FAM117B: variants seen among roughly 807,000 people sequenced by gnomAD.
FAM117B encodes protein FAM117B.
FAM117B carries 22 observed loss-of-function variants against 52.8 expected under a neutral mutation model. That is an observed-to-expected ratio of 0.42 (90% confidence interval 0.30 to 0.59). The LOEUF is 0.59. FAM117B is among the 20% of genes least tolerant of loss of function. FAM117B has a pLI of 0.22. For missense variants in FAM117B, 678 were observed against 802.6 expected (o/e 0.84, Z 1.88); for synonymous variants, 309 against 324.1 (o/e 0.95, Z 0.50).
At chr2:202,765,298 G>A in intron 7 of FAM117B, 148 bp from the exon 8 acceptor site, 2 of 743,416 alleles carry the variant, frequency 2.7e-6, no homozygotes, top group Non-Finnish European at 4.3e-6. Flanking sequence ...TTTGAAGGTG[G>A]GGGACAGAGC....
intron 1 of FAM117B, among the ~76,000 whole-genome samples, chr2:202,667,109 TC>T (rs1190502465): frequency 1.3e-5 from 2 of 151,950 alleles, no homozygotes; most frequent in Non-Finnish European, 2.9e-5. Context: ...AGTAAATTTT[TC>T]TTTTTTTTGA....
In FAM117B at chr2:202,713,173, C is replaced by T. The variant is rs80069909; in HGVS notation, c.754-11744C>T. Among the ~76,000 whole-genome samples, 753 of 152,022 alleles carry T rather than the reference C, an allele frequency of 5.0e-3. 3 individuals carry two copies. The highest frequency in any genetic ancestry group is 0.017 in the African/African-American group (701 of 41,464). On this transcript the variant is annotated intron_variant, in intron 2 of 7. Transcript: ENST00000392238. ...CATTGGGTCCTGGGATTTTCTTTGC[C>T]GGGGTGCTTTTTATTATGGTTTTGA...
At chr2:202,646,138 C>T (rs1689858852) in intron 1 of FAM117B, among the ~76,000 whole-genome samples, 1 of 151,696 alleles carries the variant, frequency 6.6e-6, no homozygotes, top group South Asian at 2.1e-4. Context: ...GCAATTCTCC[C>T]ACCTCAGCCC....
chr2:202,637,745 T>G (rs1466654460), intron 1 of FAM117B, among the ~76,000 whole-genome samples: 2 of 152,186 alleles, frequency 1.3e-5, no homozygotes, highest in Non-Finnish European at 2.9e-5. Context: ...GGTATTTATT[T>G]GAACTTTGGT....
At chr2:202,668,012 C>T (rs934076866) in intron 1 of FAM117B, among the ~76,000 whole-genome samples, 2 of 149,684 alleles carry the variant, frequency 1.3e-5, no homozygotes, top group Admixed American at 6.7e-5. Flanking sequence ...TGCTTGAGGC[C>T]AGGAGTTTGC....
intron 1 of FAM117B, among the ~76,000 whole-genome samples, chr2:202,652,027 T>C (rs1360051162): frequency 7.2e-6 from 1 of 138,750 alleles, no homozygotes; most frequent in Non-Finnish European, 1.5e-5. Context: ...CACTCCAGCC[T>C]GGGCAACAAA....
At chr2:202,722,130 C>T (rs2105786038) in intron 2 of FAM117B, among the ~76,000 whole-genome samples, 1 of 151,498 alleles carries the variant, frequency 6.6e-6, no homozygotes. Context: ...CCTGCCTCAG[C>T]CTCCCAAGCA....
intron 7 of FAM117B, among the ~76,000 whole-genome samples, chr2:202,762,339 C>T (rs1423909225): frequency 6.6e-6 from 1 of 152,168 alleles, no homozygotes; most frequent in Non-Finnish European, 1.5e-5. Context: ...AAGGACAAAA[C>T]CAGATTTTGT....
chr2:202,686,049 C>A lies in FAM117B; in HGVS notation c.602-9832C>A, dbSNP rs149630470. 1.4e-3 allele frequency among the ~76,000 whole-genome samples: 208 copies of A among 152,296 alleles called. 4 individuals are homozygous for A. In the East Asian group the frequency reaches 0.039, roughly 29 times the overall value. On this transcript the variant is annotated intron_variant, in intron 1 of 7. Transcript: ENST00000392238. Reference sequence around the variant, plus strand: ...CATATATTTGACAGAGAACTTGCATCCAGAATACATAAATCCAATTCAATA... The same window carrying A: ...CATATATTTGACAGAGAACTTGCATACAGAATACATAAATCCAATTCAATA...
chr2:202,698,488 T>C (rs1690747447), intron 2 of FAM117B, among the ~76,000 whole-genome samples: 1 of 152,154 alleles, frequency 6.6e-6, no homozygotes, highest in South Asian at 2.1e-4. Context: ...AGTGGCCTGA[T>C]CTCAGCTCAC....
intron 5 of FAM117B, among the ~76,000 whole-genome samples, chr2:202,755,970 A>G (rs1418127099): frequency 6.6e-6 from 1 of 152,240 alleles, no homozygotes; most frequent in Non-Finnish European, 1.5e-5. Flanking sequence ...CTGTAACTCC[A>G]GTTAACAAAA....
chr2:202,765,272 A>G (rs1436061300), intron 7 of FAM117B, among the ~76,000 whole-genome samples, 174 bp from the exon 8 acceptor site: 1 of 151,760 alleles, frequency 6.6e-6, no homozygotes, highest in Non-Finnish European at 1.5e-5. Flanking sequence ...GTCAGATAGC[A>G]CTTTGGTCCT....
intron 1 of FAM117B, among the ~76,000 whole-genome samples, chr2:202,673,190 T>A (rs1690323593): frequency 6.6e-6 from 1 of 152,128 alleles, no homozygotes; most frequent in South Asian, 2.1e-4. Context: ...CTGTTGCAGT[T>A]TTGTTTTTTA....
intron 2 of FAM117B, among the ~76,000 whole-genome samples, chr2:202,717,596 CAGA>C (rs1691079341): frequency 6.6e-6 from 1 of 152,146 alleles, no homozygotes; most frequent in Non-Finnish European, 1.5e-5. Flanking sequence ...GATGAAGATC[CAGA>C]AGAATTATCT....
At chr2:202,704,801 A>G (rs1006078108) in intron 2 of FAM117B, among the ~76,000 whole-genome samples, 15 of 151,814 alleles carry the variant, frequency 9.9e-5, no homozygotes, top group Admixed American at 8.5e-4. Flanking sequence ...AGGCTTCACC[A>G]TATTGGCCAG....
rs367574500 is a variant in FAM117B, at chr2:202,728,134, C to T, written c.960+1771C>T. Among the ~76,000 whole-genome samples the T allele has an allele frequency of 7.9e-5, 12 of 152,210 alleles. No individual in the cohort carries two copies. In the South Asian group the frequency reaches 2.1e-3, roughly 26 times the overall value. On this transcript the variant is annotated intron_variant, in intron 4 of 7. Coordinates refer to ENST00000392238, the MANE Select transcript of FAM117B (RefSeq NM_173511.4). ...AGATGAGACTACATATGTGCACCAC[C>T]ATGCCTGGCTAATATTTTTTATTTT...
Position 202,766,106 on chromosome 2 carries a change from ACC to A in FAM117B, c.*345_*346del, listed in dbSNP as rs57350676. On this transcript the variant is annotated 3_prime_UTR_variant, in exon 8 of 8. Transcript: ENST00000392238. ...CACACACACACACACACACACACAC[ACC>A]CCTGATCCTTGCCAACATGATTCCT... is the stretch of plus-strand genomic sequence containing the variant. The A allele has an allele frequency of 6.0e-6, 1 of 167,632 alleles. No homozygotes were observed. Among genetic ancestry groups the A allele is most frequent in the Non-Finnish European group, 1.2e-5 (1 of 83,508 alleles). 10.4% of individuals were successfully genotyped at this position (167,632 alleles called of 1,614,324 possible). A position where few individuals can be genotyped will look rare whatever the true frequency, so the allele number is the denominator to read the frequency against.
intron 1 of FAM117B, among the ~76,000 whole-genome samples, chr2:202,657,849 T>G (rs1307364126): frequency 6.6e-6 from 1 of 152,236 alleles, no homozygotes; most frequent in Non-Finnish European, 1.5e-5. Context: ...GTTGTCTTAG[T>G]AATTCATTTA....
intron 1 of FAM117B, among the ~76,000 whole-genome samples, chr2:202,648,711 T>C (rs1454653299): frequency 6.6e-6 from 1 of 152,054 alleles, no homozygotes; most frequent in African/African-American, 2.4e-5. Context: ...TATATACTTC[T>C]TTGTGCACTT....
Sources: allele counts gnomAD v4.1 joint callset (sites outside exome capture counted in the v4.1 genomes callset), GRCh38; gene constraint gnomAD v4.1.1; transcripts MANE v1.5; gene names NCBI Gene and HGNC (gene_info 2026-07-23, HGNC 2026-07-21).